The following CDCP1 variants were observed in gnomAD, a reference collection of about 807,000 sequenced individuals.
The protein encoded by CDCP1 is CUB domain containing protein 1, also known as CUB domain-containing protein 1.
Under a neutral mutation model 60.2 loss-of-function variants are expected in CDCP1, and 29 were observed. The ratio of observed to expected loss-of-function variants is 0.48; its 90% CI spans 0.36 to 0.66. The LOEUF (loss-of-function observed/expected upper bound fraction) is 0.66, where lower values mean the gene tolerates loss of function less well. Ranked by LOEUF, CDCP1 falls within the 30% of genes least tolerant of loss-of-function variation. The probability of loss-of-function intolerance (pLI) is 0.00; values close to 1 mark genes in which losing one functional copy is unlikely to be tolerated. For synonymous variants in CDCP1, 387 were observed against 431.1 expected (o/e 0.90, Z 1.27); for missense variants, 876 against 1,074.3 (o/e 0.82, Z 2.58).
At chr3:45,143,741 G>A (rs1034267924) in intron 1 of CDCP1, among the ~76,000 whole-genome samples, 1 of 152,100 alleles carries the variant, frequency 6.6e-6, no homozygotes, top group Non-Finnish European at 1.5e-5. Context: ...CACATGCAAG[G>A]CGTGCAACCA....
At position 45,091,236 on chromosome 3, in the gene CDCP1, T is replaced by A; in HGVS notation, c.1930A>T (p.Ser644Cys). The A allele has an allele frequency of 5.6e-6, 9 of 1,613,750 alleles. No individual in the cohort carries two copies. The highest frequency in any genetic ancestry group is 1.1e-5 in the South Asian group (1 of 91,046). ...TCTAGCTGCTTGCCGCTCGTGGGGC[T>A]GCAGTTAGAGATGTTGACCCAGAAG... ...HSFWVNISNC[S>C]PTSGKQLDLL... is the part of the protein sequence containing the mutation. Residue 644 changes from serine (S) to cysteine (C), a missense_variant, in exon 7 of 9, where the codon AGC (serine) becomes TGC (cysteine). Ser to Cys is a moderately radical substitution (Grantham distance 112). Transcript: ENST00000296129. The surrounding 1 kb of genome is among the most constrained non-coding windows in gnomAD (Gnocchi z 4.8).
intron 1 of CDCP1, among the ~76,000 whole-genome samples, chr3:45,132,027 A>G (rs930744671): frequency 6.6e-6 from 1 of 152,118 alleles, no homozygotes; most frequent in Non-Finnish European, 1.5e-5. Context: ...TGAGGTCAGG[A>G]GTTCGAGACC....
rs1553611027 is a variant in CDCP1, at chr3:45,126,203, T to TTTCTTTCC, written c.83-7583_83-7582insGGAAAGAA. On this transcript the variant is annotated intron_variant, in intron 1 of 8. Coordinates refer to ENST00000296129, the MANE Select transcript of CDCP1 (RefSeq NM_022842.5). ...CTTTCTCTCTCTCTCTCTTTCTTTCTTTCCTTCCTTCCTTCTTTCTTTCCT... is the reference window on the plus strand; with the variant it reads ...CTTTCTCTCTCTCTCTCTTTCTTTCTTTCTTTCCTTCCTTCCTTCCTTCTTTCTTTCCT... 4.5e-5 allele frequency among the ~76,000 whole-genome samples: 6 copies of TTTCTTTCC among 134,478 alleles called. No individual in the cohort carries two copies. In the East Asian group the frequency reaches 1.1e-3, roughly 25 times the overall value. 88.2% of individuals were successfully genotyped at this position (134,478 alleles called of 152,430 possible).
chr3:45,133,893 C>T (rs894977371), intron 1 of CDCP1, among the ~76,000 whole-genome samples: 10 of 152,140 alleles, frequency 6.6e-5, no homozygotes, highest in South Asian at 2.1e-4. Flanking sequence ...CCTCCATCTC[C>T]GATGTCCTCA....
In CDCP1 at chr3:45,084,752, AG is replaced by A. The variant is rs1195683538; in HGVS notation, c.*885del. ...TGCAGTGGCAACAGAAAACTAATGC[AG>A]GGGGCCACTGTTTGGTATATATTTA... On this transcript the variant is annotated 3_prime_UTR_variant, in exon 9 of 9. Coordinates refer to ENST00000296129, the MANE Select transcript of CDCP1 (RefSeq NM_022842.5). 14 of 152,658 alleles carry A rather than the reference AG, an allele frequency of 9.2e-5. No individual in the cohort carries two copies. The highest frequency in any genetic ancestry group is 3.1e-4 in the African/African-American group (13 of 41,464). The allele number at this position is 152,658 out of a possible 1,614,324, so 9.5% of individuals were successfully genotyped here.
At chr3:45,144,435 AG>A (rs147235084) in intron 1 of CDCP1, among the ~76,000 whole-genome samples, 1,854 of 152,310 alleles carry the variant, frequency 0.012, 43 homozygotes, top group African/African-American at 0.04. Context: ...CTGAGACCAT[AG>A]GGAGGAACTT....
chr3:45,128,107 T>C (rs994573440), intron 1 of CDCP1, among the ~76,000 whole-genome samples: 2 of 152,184 alleles, frequency 1.3e-5, no homozygotes, highest in African/African-American at 4.8e-5. Context: ...AGTGATCAGT[T>C]AACACCCAGG....
chr3:45,092,851 C>T (rs1000202769), intron 6 of CDCP1, among the ~76,000 whole-genome samples: 1 of 152,202 alleles, frequency 6.6e-6, no homozygotes, highest in South Asian at 2.1e-4. Flanking sequence ...TCCCTCCCAA[C>T]GCTCCTCCCT....
chr3:45,082,627 A>C lies in CDCP1; in HGVS notation c.*3011T>G, dbSNP rs1198232077. The C allele has an allele frequency of 1.3e-5, 2 of 152,184 alleles. No homozygotes were observed. The highest frequency in any genetic ancestry group is 2.9e-5 in the Non-Finnish European group (2 of 68,032). 9.4% of individuals were successfully genotyped at this position (152,184 alleles called of 1,614,324 possible). On this transcript the variant is annotated 3_prime_UTR_variant, in exon 9 of 9. Coordinates refer to ENST00000296129, the MANE Select transcript of CDCP1 (RefSeq NM_022842.5). ...AGTGAAGCACTGCAGATCCACACAC[A>C]CCAGTCTGCTAACCTTTACCAAGGC...
chr3:45,123,090 C>T (rs1393410324), intron 1 of CDCP1, among the ~76,000 whole-genome samples: 1 of 151,796 alleles, frequency 6.6e-6, no homozygotes, highest in Non-Finnish European at 1.5e-5. Flanking sequence ...CAACTCTAAG[C>T]GTTGAATATA....
Position 45,108,912 on chromosome 3 carries a change from CAT to C in CDCP1, c.1024+1559_1024+1560del, listed in dbSNP as rs535146697. On this transcript the variant is annotated intron_variant, in intron 4 of 8. Transcript: ENST00000296129. Reference sequence around the variant, plus strand: ...ACATATATATATATATGCATGTATACATATATATATATATGCATGTATACATA... The same window carrying C: ...ACATATATATATATATGCATGTATACATATATATATATGCATGTATACATA... Among the ~76,000 whole-genome samples the C allele has an allele frequency of 1.3e-3, 57 of 43,942 alleles. 5 individuals carry two copies. The highest frequency in any genetic ancestry group is 4.4e-3 in the African/African-American group (51 of 11,560). 28.8% of individuals were successfully genotyped at this position (43,942 alleles called of 152,430 possible).
At chr3:45,087,394 C>A (rs145417107) in intron 8 of CDCP1, among the ~76,000 whole-genome samples, 20 of 152,302 alleles carry the variant, frequency 1.3e-4, no homozygotes, top group African/African-American at 4.3e-4. Flanking sequence ...CTTAAACTGG[C>A]GCTGTTTCAA....
At chr3:45,146,414 G>A (rs938853615), upstream of CDCP1, 2 of 689,844 alleles carry the variant, frequency 2.9e-6, no homozygotes, top group Admixed American at 4.3e-5. Flanking sequence ...ACCGGCCCGA[G>A]CCCCGCCCTG....
chr3:45,131,214 C>T (rs1339171385), intron 1 of CDCP1, among the ~76,000 whole-genome samples: 1 of 151,616 alleles, frequency 6.6e-6, no homozygotes, highest in African/African-American at 2.4e-5. Context: ...AAAAAAAAAC[C>T]CAACTCAATA....
chr3:45,129,524 T>C (rs577722997), intron 1 of CDCP1, among the ~76,000 whole-genome samples: 1 of 152,330 alleles, frequency 6.6e-6, no homozygotes, highest in South Asian at 2.1e-4. Context: ...CACATTAACA[T>C]TTTATGAAAT....
chr3:45,145,284 G>C (rs1165173877), intron 1 of CDCP1, among the ~76,000 whole-genome samples: 1 of 152,052 alleles, frequency 6.6e-6, no homozygotes, highest in East Asian at 1.9e-4. Flanking sequence ...TGGCTTCCTG[G>C]AGAGCTCTAT....
At chr3:45,124,453 C>T (rs1698939816) in intron 1 of CDCP1, among the ~76,000 whole-genome samples, 1 of 152,124 alleles carries the variant, frequency 6.6e-6, no homozygotes, top group African/African-American at 2.4e-5. Context: ...CTGGGCTCAG[C>T]CTAGGCACCA....
intron 1 of CDCP1, among the ~76,000 whole-genome samples, chr3:45,123,979 A>G (rs1195845139): frequency 1.3e-5 from 2 of 152,122 alleles, no homozygotes; most frequent in South Asian, 2.1e-4. Flanking sequence ...TGGGCTCCTG[A>G]GTCACACACA....
At chr3:45,098,478 T>C (rs1249024542) in intron 4 of CDCP1, among the ~76,000 whole-genome samples, 1 of 152,140 alleles carries the variant, frequency 6.6e-6, no homozygotes, top group Admixed American at 6.5e-5. Context: ...CTCTGTTCCA[T>C]TGCTCAATAA....
Sources: gnomAD v4.1 joint callset for allele counts (sites outside exome capture counted in the v4.1 genomes callset) on GRCh38, gnomAD v4.1.1 for gene constraint, Gnocchi (gnomAD v3.1) non-coding constraint, MANE v1.5 for transcripts, NCBI Gene and HGNC (gene_info 2026-07-23, HGNC 2026-07-21) for gene names.